The following RABGAP1L variants were observed in gnomAD, a reference collection of about 807,000 sequenced individuals.
The protein encoded by RABGAP1L is rab GTPase-activating protein 1-like.
A neutral mutation model predicts 137.7 loss-of-function variants in RABGAP1L; 63 were observed. That is an observed-to-expected ratio of 0.46 (90% confidence interval 0.37 to 0.56). The LOEUF is 0.56. Ranked by LOEUF, RABGAP1L falls within the 20% of genes least tolerant of loss-of-function variation. The pLI, the probability that RABGAP1L is intolerant of heterozygous loss-of-function variation, is 0.00. For missense variants in RABGAP1L, 1,095 were observed against 1,244.0 expected, an observed-to-expected ratio of 0.88 and a Z score of 1.80; for synonymous variants, 431 against 433.7, an observed-to-expected ratio of 0.99 and a Z score of 0.08.
At chr1:174,421,607 G>A (rs1329727488) in intron 13 of RABGAP1L, among the ~76,000 whole-genome samples, 2 of 152,060 alleles carry the variant, frequency 1.3e-5, no homozygotes, top group African/African-American at 4.8e-5. Context: ...TCCTTTATTT[G>A]AACATTCTCT....
At chr1:174,698,667 A>C (rs1346273131) in intron 15 of RABGAP1L, among the ~76,000 whole-genome samples, 1 of 152,090 alleles carries the variant, frequency 6.6e-6, no homozygotes, top group Non-Finnish European at 1.5e-5. Context: ...ATACTATGTA[A>C]TTGCTTTTAA....
intron 13 of RABGAP1L, among the ~76,000 whole-genome samples, chr1:174,415,429 C>CT (rs113856511): frequency 0.11 from 16,367 of 151,370 alleles, 978 homozygotes; most frequent in East Asian, 0.22. Context: ...GATATGCATA[C>CT]TTTTTTTTTC....
At chr1:174,598,466 T>C (rs1247085323) in intron 13 of RABGAP1L, among the ~76,000 whole-genome samples, 1 of 152,216 alleles carries the variant, frequency 6.6e-6, no homozygotes, top group East Asian at 1.9e-4. Flanking sequence ...TTGTTGATTT[T>C]TCAGTCTGGA....
At chr1:174,762,770 G>T (rs1205938170) in intron 18 of RABGAP1L, among the ~76,000 whole-genome samples, 1 of 147,376 alleles carries the variant, frequency 6.8e-6, no homozygotes, top group East Asian at 2.0e-4. Flanking sequence ...TAAGAATTCT[G>T]CCAGGATAGC....
chr1:174,862,309 T>G (rs116700211), intron 19 of RABGAP1L, among the ~76,000 whole-genome samples: 3,120 of 152,224 alleles, frequency 0.02, 49 homozygotes, highest in Middle Eastern at 0.082. Flanking sequence ...ACAACAAAAT[T>G]TTTTTAAGCA....
At chr1:174,270,986 G>A (rs1674514079) in intron 7 of RABGAP1L, among the ~76,000 whole-genome samples, 1 of 152,122 alleles carries the variant, frequency 6.6e-6, no homozygotes, top group South Asian at 2.1e-4. Flanking sequence ...ATTTAGGGCA[G>A]TAGTATAAGA....
rs1385304487 is a variant in RABGAP1L, at chr1:174,991,284, C to G, written c.*1283C>G. Reference sequence around the variant, plus strand: ...ATTTTATAAACTATTTTGGAGGCCTCTGATCCTTTCAAACCAACCAAACTA... The same window carrying G: ...ATTTTATAAACTATTTTGGAGGCCTGTGATCCTTTCAAACCAACCAAACTA... On this transcript the variant is annotated 3_prime_UTR_variant, in exon 26 of 26. Coordinates refer to ENST00000681986, the MANE Select transcript of RABGAP1L (RefSeq NM_001366446.1). 6.6e-6 allele frequency: 1 copy of G among 152,178 alleles called. No homozygotes were observed. The highest frequency in any genetic ancestry group is 2.4e-5 in the African/African-American group (1 of 41,438). The allele number at this position is 152,178 out of a possible 1,614,324, so 9.4% of individuals were successfully genotyped here.
Position 174,969,370 on chromosome 1 carries a change from C to T in RABGAP1L, c.2527C>T (p.Arg843Trp), listed in dbSNP as rs1238830060. The T allele has an allele frequency of 7.1e-6, 11 of 1,549,638 alleles. No individual in the cohort carries two copies. Among genetic ancestry groups the T allele is most frequent in the African/African-American group, 1.4e-5 (1 of 72,998 alleles). ...HELVTSKIAL[R>W]NDLDQAEDKA... ...ACTAGTAACAAGCAAAATTGCTCTA[C>T]GGAATGACTTGGATCAGGTAATCCT... Residue 843 changes from arginine to tryptophan, a missense_variant, in exon 21 of 26, where the codon CGG (arginine) becomes TGG (tryptophan). Physicochemically the swap from Arg to Trp is moderately radical, Grantham distance 101. This residue lies in a region of RABGAP1L where 312 missense variants were observed against 435.6 expected (regional missense o/e 0.72). Coordinates refer to ENST00000681986, the MANE Select transcript of RABGAP1L (RefSeq NM_001366446.1).
At chr1:174,428,465 T>G (rs1652219458) in intron 13 of RABGAP1L, among the ~76,000 whole-genome samples, 1 of 152,208 alleles carries the variant, frequency 6.6e-6, no homozygotes, top group Admixed American at 6.5e-5. Context: ...CCTTTATCTC[T>G]TCATAATGAT....
At chr1:174,322,194 A>G (rs1181546821) in intron 11 of RABGAP1L, among the ~76,000 whole-genome samples, 1 of 151,892 alleles carries the variant, frequency 6.6e-6, no homozygotes, top group South Asian at 2.1e-4. Context: ...GCTCCTTTAG[A>G]TGTTTTATAG....
At chr1:174,899,133 G>T (rs757218527) in intron 19 of RABGAP1L, among the ~76,000 whole-genome samples, 2 of 152,110 alleles carry the variant, frequency 1.3e-5, no homozygotes, top group Non-Finnish European at 2.9e-5. Flanking sequence ...TCTAGGAAGA[G>T]GAGAAATATA....
At chr1:174,818,219 A>T (rs1222694414) in intron 19 of RABGAP1L, among the ~76,000 whole-genome samples, 1 of 152,192 alleles carries the variant, frequency 6.6e-6, no homozygotes, top group African/African-American at 2.4e-5. Context: ...AGATGCATTC[A>T]CATGTAAAAT....
intron 13 of RABGAP1L, among the ~76,000 whole-genome samples, chr1:174,596,145 G>C (rs532222181): frequency 1.4e-5 from 2 of 138,558 alleles, no homozygotes; most frequent in East Asian, 4.1e-4. Context: ...CCCTTTCTTT[G>C]ACTCGGAAAG....
At chr1:174,578,147 AAATT>A (rs1339464962) in intron 13 of RABGAP1L, among the ~76,000 whole-genome samples, 1 of 152,188 alleles carries the variant, frequency 6.6e-6, no homozygotes. Context: ...ACTTTTAAAA[AAATT>A]AAACTGTAAA....
intron 13 of RABGAP1L, among the ~76,000 whole-genome samples, chr1:174,620,428 A>T (rs1221827034): frequency 6.6e-6 from 1 of 152,224 alleles, no homozygotes; most frequent in Non-Finnish European, 1.5e-5. Flanking sequence ...AATTATAACA[A>T]ACTGTCTCTC....
chr1:174,323,056 A>G (rs1214381636), intron 11 of RABGAP1L, among the ~76,000 whole-genome samples: 1 of 152,156 alleles, frequency 6.6e-6, no homozygotes, highest in African/African-American at 2.4e-5. Flanking sequence ...ACTCCATAAG[A>G]ATATATTATA....
At chr1:174,386,055 A>G (rs1686744006) in intron 12 of RABGAP1L, among the ~76,000 whole-genome samples, 1 of 152,216 alleles carries the variant, frequency 6.6e-6, no homozygotes, top group Non-Finnish European at 1.5e-5. Flanking sequence ...TAATTGTAGG[A>G]TAATTTGATG....
At chr1:174,562,701 G>A (rs1293477860) in intron 13 of RABGAP1L, among the ~76,000 whole-genome samples, 1 of 152,136 alleles carries the variant, frequency 6.6e-6, no homozygotes, top group African/African-American at 2.4e-5. Flanking sequence ...CATGTCCTTT[G>A]CAAGTACATG....
chr1:174,232,283 G>C (rs1352212481), intron 4 of RABGAP1L, among the ~76,000 whole-genome samples: 1 of 152,144 alleles, frequency 6.6e-6, no homozygotes, highest in Admixed American at 6.5e-5. Flanking sequence ...TGAGGTGGGT[G>C]AATCACTTGA....
Sources: gnomAD v4.1 joint callset for allele counts (sites outside exome capture counted in the v4.1 genomes callset) on GRCh38, gnomAD v4.1.1 for gene constraint, gnomAD v4.1.1 regional missense constraint, MANE v1.5 for transcripts, NCBI Gene and HGNC (gene_info 2026-07-23, HGNC 2026-07-21) for gene names.